Variants in TNS1 observed in about 807,000 individuals in gnomAD.
TNS1 encodes tensin 1.
TNS1 carries 62 observed loss-of-function variants against 168.6 expected under a neutral mutation model. The observed-to-expected ratio is 0.37, with a 90% CI of 0.30 to 0.45. The LOEUF is 0.45. Among genes scored for constraint, TNS1 ranks in the 20% least tolerant of loss-of-function variants. The pLI is 1.00. For missense variants in TNS1, 2,240 were observed against 2,339.4 expected, an observed-to-expected ratio of 0.96 and a Z score of 0.88; for synonymous variants, 934 against 933.2, an observed-to-expected ratio of 1.00 and a Z score of -0.02.
chr2:217,966,401 C>A (rs1442885953), intron 3 of TNS1, among the ~76,000 whole-genome samples: 1 of 151,872 alleles, frequency 6.6e-6, no homozygotes, highest in African/African-American at 2.4e-5. Context: ...TGTTATAAAG[C>A]AAGAGAAAGT....
rs546323068 is a variant in TNS1, at chr2:217,806,840, C to T, written c.5375+1235G>A. The stretch of plus-strand genomic sequence containing the variant: ...TTCACTCAACAAATATATACCACCT[C>T]CCCATGTGTCAGACATGGCCCTTCC... On this transcript the variant is annotated intron_variant, in intron 32 of 32. Coordinates refer to ENST00000682258, the MANE Select transcript of TNS1 (RefSeq NM_001387777.1). 1.0e-3 allele frequency among the ~76,000 whole-genome samples: 156 copies of T among 152,362 alleles called. 3 individuals carry two copies. Among genetic ancestry groups the T allele is most frequent in the Non-Finnish European group, 3.1e-4 (21 of 68,032 alleles).
At chr2:217,860,463 G>GAGGAA (rs1159468708) in intron 18 of TNS1, among the ~76,000 whole-genome samples, 48 of 152,196 alleles carry the variant, frequency 3.2e-4, no homozygotes, top group African/African-American at 1.1e-3. Context: ...ACCACAGTTT[G>GAGGAA]GACAAACTAT....
At chr2:217,812,614 CAG>C (rs1941147881) in intron 27 of TNS1, among the ~76,000 whole-genome samples, 169 bp from the exon 28 acceptor site, 1 of 152,220 alleles carries the variant, frequency 6.6e-6, no homozygotes, top group Non-Finnish European at 1.5e-5. Flanking sequence ...CAAGATCCAA[CAG>C]AGAAGATTCC....
chr2:217,808,722 T>C, intron 30 of TNS1, 51 bp from the exon 31 acceptor site: 4 of 1,562,178 alleles, frequency 2.6e-6, no homozygotes, highest in Non-Finnish European at 3.5e-6. Context: ...AGGGGCTGCT[T>C]TTCCCCTCCT....
At chr2:217,978,396 C>T (rs941278163) in intron 3 of TNS1, among the ~76,000 whole-genome samples, 3 of 152,124 alleles carry the variant, frequency 2.0e-5, no homozygotes, top group African/African-American at 7.2e-5. Context: ...TTGTGCGCGG[C>T]CCGGGGTAAT....
Position 217,893,429 on chromosome 2 carries a change from C to CACAG in TNS1, c.717+9_717+10insCTGT. On this transcript the variant is annotated intron_variant, in intron 10 of 32. Coordinates refer to ENST00000682258, the MANE Select transcript of TNS1 (RefSeq NM_001387777.1). ...ACACACACACACACACACACACACA[C>CACAG]AGCTCTGACCTTGTTGTGTAGAACA... 3 of 1,591,098 alleles carry CACAG rather than the reference C, an allele frequency of 1.9e-6. No individual in the cohort carries two copies. Among genetic ancestry groups the CACAG allele is most frequent in the Non-Finnish European group, 8.6e-7 (1 of 1,165,198 alleles).
At chr2:217,898,301 C>G (rs540635224) in intron 7 of TNS1, among the ~76,000 whole-genome samples, 1 of 152,256 alleles carries the variant, frequency 6.6e-6, no homozygotes, top group Non-Finnish European at 1.5e-5. Context: ...CAGGGCCAGA[C>G]TGGCCCAGGA....
In TNS1 at chr2:218,023,845, C is replaced by T. The variant is rs543995939; in HGVS notation, c.156+9975G>A. On this transcript the variant is annotated intron_variant, in intron 1 of 1. Coordinates refer to the TNS1 transcript ENST00000649572. ...CTGAGCTCATCTGTCCCCACCCTTA[C>T]TCCCAATGCCAGAATCCCAGAGAGA... is the stretch of plus-strand genomic sequence containing the variant. 3.9e-4 allele frequency among the ~76,000 whole-genome samples: 60 copies of T among 152,276 alleles called. 1 individual carries two copies. The highest frequency in any genetic ancestry group is 3.4e-3 in the Middle Eastern group (1 of 294).
intron 18 of TNS1, among the ~76,000 whole-genome samples, chr2:217,867,123 G>A (rs967443321): frequency 1.3e-5 from 2 of 152,186 alleles, no homozygotes; most frequent in Non-Finnish European, 2.9e-5. Context: ...GTCATGAGGA[G>A]TACAAGAAAT....
At chr2:218,028,047 G>A (rs1420564534) in intron 1 of TNS1, among the ~76,000 whole-genome samples, 2 of 152,232 alleles carry the variant, frequency 1.3e-5, no homozygotes, top group Non-Finnish European at 2.9e-5. Flanking sequence ...AGACAAGCTG[G>A]CCTGGAGGAC....
chr2:217,895,979 A>T (rs984157744), intron 8 of TNS1, among the ~76,000 whole-genome samples: 7 of 152,234 alleles, frequency 4.6e-5, no homozygotes, highest in African/African-American at 1.7e-4. Flanking sequence ...TGCACTCTGT[A>T]AAGGAATACA....
intron 3 of TNS1, among the ~76,000 whole-genome samples, chr2:217,952,467 G>A (rs1054583311): frequency 4.6e-5 from 7 of 151,352 alleles, no homozygotes; most frequent in East Asian, 1.9e-4. Flanking sequence ...ACTCTCCCGC[G>A]CCACACACAC....
At chr2:217,825,171 G>T (rs148893385) in intron 22 of TNS1, among the ~76,000 whole-genome samples, 1 of 152,334 alleles carries the variant, frequency 6.6e-6, no homozygotes, top group East Asian at 1.9e-4. Flanking sequence ...CATCCCTGAA[G>T]GCAGACTTTT....
At chr2:217,980,535 A>AGAGAGAGAGAGAGAGAGAGAGG (rs1559398475) in intron 2 of TNS1, among the ~76,000 whole-genome samples, 9 of 149,248 alleles carry the variant, frequency 6.0e-5, no homozygotes, top group African/African-American at 2.3e-4. Flanking sequence ...AGAGAGAGAG[A>AGAGAGAGAGAGAGAGAGAGAGG]GAGAGAGAGA....
Position 217,847,561 on chromosome 2 carries a change from G to C in TNS1, c.2956C>G (p.Pro986Ala). The stretch of plus-strand genomic sequence containing the variant: ...TCTAAATTCAATGGCTCCTCCTCTG[G>C]AGTCCGGGAGGGGTCTGAAGTCGCT... ...KEATSDPSRTPEEEPLNLEGL... is the reference protein window; with the variant it reads ...KEATSDPSRTAEEEPLNLEGL... The change falls in exon 19 of 33, where the codon CCA becomes GCA. Residue 986 changes from proline (P) to alanine (A), a missense_variant. Transcript: ENST00000682258. 1 of 1,486,686 alleles carries C rather than the reference G, an allele frequency of 6.7e-7. No homozygotes were observed. Among genetic ancestry groups the C allele is most frequent in the Non-Finnish European group, 9.0e-7 (1 of 1,112,112 alleles). The allele number at this position is 1,486,686 out of a possible 1,614,324, so 92.1% of individuals were successfully genotyped here.
chr2:217,935,582 C>T (rs567540830), intron 3 of TNS1, among the ~76,000 whole-genome samples: 2 of 152,320 alleles, frequency 1.3e-5, no homozygotes, highest in African/African-American at 2.4e-5. Flanking sequence ...GGAAGCAGTT[C>T]GTGAGCCACC....
upstream of TNS1, among the ~76,000 whole-genome samples, chr2:218,013,606 G>C (rs1958729315): frequency 1.3e-5 from 2 of 151,340 alleles, no homozygotes; most frequent in African/African-American, 4.9e-5. Context: ...ATCCTCTGGG[G>C]ACTGCTTGTC....
chr2:218,020,728 G>A (rs551519792), intron 1 of TNS1, among the ~76,000 whole-genome samples: 43 of 152,326 alleles, frequency 2.8e-4, no homozygotes, highest in African/African-American at 8.7e-4. Flanking sequence ...CTACCTGACC[G>A]TGACCTGCCC....
At chr2:217,977,465 G>A (rs543912930) in intron 3 of TNS1, among the ~76,000 whole-genome samples, 1 of 152,326 alleles carries the variant, frequency 6.6e-6, no homozygotes. Flanking sequence ...CTTTAGTAAA[G>A]TTTCTTTGGA....
Sources: gnomAD v4.1 joint callset for allele counts (sites outside exome capture counted in the v4.1 genomes callset) on GRCh38, gnomAD v4.1.1 for gene constraint, MANE v1.5 for transcripts, NCBI Gene and HGNC (gene_info 2026-07-23, HGNC 2026-07-21) for gene names.